SMARCA2: variants seen among roughly 807,000 people sequenced by gnomAD.
The protein encoded by SMARCA2 is SWI/SNF-related matrix-associated actin-dependent regulator of chromatin subfamily A member 2.
In SMARCA2, 61 loss-of-function variants were observed where a neutral mutation model predicts 199.8. That is an observed-to-expected ratio of 0.31 (90% CI 0.25 to 0.38). The LOEUF (loss-of-function observed/expected upper bound fraction) is 0.38. Ranked by LOEUF, SMARCA2 falls within the 10% of genes least tolerant of loss-of-function variation. The probability of loss-of-function intolerance (pLI) is 1.00; values close to 1 mark genes in which losing one functional copy is unlikely to be tolerated. For missense variants in SMARCA2, 1,344 were observed against 2,012.2 expected (o/e 0.67, Z 6.35); for synonymous variants, 935 against 732.0 (o/e 1.28, Z -4.48).
At chr9:2,156,408 T>C (rs1328033754) in intron 27 of SMARCA2, among the ~76,000 whole-genome samples, 1 of 145,496 alleles carries the variant, frequency 6.9e-6, no homozygotes, top group Non-Finnish European at 1.5e-5. Flanking sequence ...AGTTTACCAT[T>C]TTAGACTTTT....
Position 2,182,239 on chromosome 9 carries a change from C to T in SMARCA2, c.4458C>T (p.Ser1486=), listed in dbSNP as rs769659898. 1.0e-5 allele frequency: 16 copies of T among 1,600,626 alleles called. No individual in the cohort carries two copies. Among genetic ancestry groups the T allele is most frequent in the South Asian group, 2.2e-5 (2 of 90,580 alleles). Residue 1486 remains serine (S), a synonymous_variant, in exon 31 of 34, where the codon TCC becomes TCT. Coordinates refer to ENST00000349721, the MANE Select transcript of SMARCA2 (RefSeq NM_003070.5). The part of the protein sequence containing the change: ...HNAQTFNLEG[S]QIYEDSIVLQ... ...CTCAGACGTTCAACCTGGAGGGATC[C>T]CAGGTCTGTCTTGTTAAGTTGTCTA...
At chr9:2,143,575 AG>A (rs1824570008) in intron 27 of SMARCA2, among the ~76,000 whole-genome samples, 2 of 152,224 alleles carry the variant, frequency 1.3e-5, no homozygotes, top group Admixed American at 1.3e-4. Flanking sequence ...CAGGGAGACC[AG>A]GGGGAAAAGA....
At chr9:2,147,167 G>A (rs1016850028) in intron 27 of SMARCA2, among the ~76,000 whole-genome samples, 1 of 147,660 alleles carries the variant, frequency 6.8e-6, no homozygotes, top group Non-Finnish European at 1.5e-5. Flanking sequence ...ATAGGATACA[G>A]CTCATAACTA....
chr9:2,173,967 A>C (rs142528628), intron 29 of SMARCA2, among the ~76,000 whole-genome samples: 3 of 152,272 alleles, frequency 2.0e-5, no homozygotes, highest in Non-Finnish European at 4.4e-5. Context: ...CCTCATTACA[A>C]ATATTGATAC....
intron 27 of SMARCA2, chr9:2,159,813 G>T: frequency 6.2e-7 from 1 of 1,610,096 alleles, no homozygotes; most frequent in Non-Finnish European, 8.5e-7. Flanking sequence ...TTCCTGATCA[G>T]CTGATGAAGA....
intron 32 of SMARCA2, among the ~76,000 whole-genome samples, chr9:2,187,678 A>AAAAAAAATTTTAAATATAATT (rs1554645494): frequency 6.7e-6 from 1 of 149,212 alleles, no homozygotes; most frequent in Non-Finnish European, 1.5e-5. Flanking sequence ...CTCTATCTAA[A>AAAAAAAATTTTAAATATAATT]AAAAAAATTT....
chr9:2,156,821 T>A (rs1191254151), intron 27 of SMARCA2, among the ~76,000 whole-genome samples: 1 of 152,222 alleles, frequency 6.6e-6, no homozygotes, highest in East Asian at 1.9e-4. Context: ...TTCAGAACTT[T>A]TCCGTTATCT....
Position 2,104,642 on chromosome 9 carries a change from C to G in SMARCA2, c.3292+473C>G, listed in dbSNP as rs1242413510. The stretch of plus-strand genomic sequence containing the variant: ...CCCTCTCTTCCTAAATAAGACGTAT[C>G]CACATGTTACATTGTTAAGAGACAT... On this transcript the variant is annotated intron_variant, in intron 23 of 33. Transcript: ENST00000349721. The surrounding 1 kb of genome is among the most constrained non-coding windows in gnomAD (Gnocchi z 4.0). 6.6e-6 allele frequency among the ~76,000 whole-genome samples: 1 copy of G among 152,122 alleles called. No individual in the cohort carries two copies. The highest frequency in any genetic ancestry group is 2.4e-5 in the African/African-American group (1 of 41,398).
rs142231000 is a variant in SMARCA2 at position 2,073,914 on chromosome 9, T to C, written c.1935+291T>C. On this transcript the variant is annotated intron_variant, in intron 12 of 33. Coordinates refer to ENST00000349721, the MANE Select transcript of SMARCA2 (RefSeq NM_003070.5). ...ACTTGGGAGATGGTGAAGTGGTCTTTTGGGGGAGAATTGGAGATGGATTAC... is the reference window on the plus strand; with the variant it reads ...ACTTGGGAGATGGTGAAGTGGTCTTCTGGGGGAGAATTGGAGATGGATTAC... Among the ~76,000 whole-genome samples, 264 of 152,230 alleles carry C rather than the reference T, an allele frequency of 1.7e-3. 1 individual carries two copies. The highest frequency in any genetic ancestry group is 3.2e-3 in the Non-Finnish European group (220 of 68,016).
chr9:2,147,426 A>G (rs531077052), intron 27 of SMARCA2, among the ~76,000 whole-genome samples: 1 of 152,338 alleles, frequency 6.6e-6, no homozygotes, highest in Admixed American at 6.5e-5. Flanking sequence ...TTAAAAGCAT[A>G]TATCTGTTTG....
chr9:2,160,055 G>C, intron 27 of SMARCA2: 2 of 1,017,694 alleles, frequency 2.0e-6, no homozygotes, highest in Non-Finnish European at 2.9e-6. Context: ...ATTAACTGTT[G>C]ACAGCCTTGC....
At chr9:2,040,796 C>G (rs1288288995) in intron 4 of SMARCA2, 1 of 152,194 alleles carries the variant, frequency 6.6e-6, no homozygotes, top group African/African-American at 2.4e-5. Flanking sequence ...ATGATACAAT[C>G]CTTTGCATGG....
chr9:2,084,024 G>A (rs1477718038), intron 16 of SMARCA2, 62 bp from the exon 17 acceptor site: 2 of 878,398 alleles, frequency 2.3e-6, no homozygotes, highest in South Asian at 1.4e-5. Context: ...GCTATGAAAA[G>A]TGAGAAATAA....
At chr9:2,030,560 T>C (rs1044836538) in intron 2 of SMARCA2, among the ~76,000 whole-genome samples, 1 of 148,734 alleles carries the variant, frequency 6.7e-6, no homozygotes, top group Non-Finnish European at 1.5e-5. Context: ...TTTTTTTTTT[T>C]CTTATTCAGG....
In SMARCA2 at chr9:2,039,343, T is replaced by C; in HGVS notation, c.356-123T>C. 2 of 827,364 alleles carry C rather than the reference T, an allele frequency of 2.4e-6. No homozygotes were observed. Among genetic ancestry groups the C allele is most frequent in the African/African-American group, 1.7e-5 (1 of 58,070 alleles). The allele number at this position is 827,364 out of a possible 1,614,324, so 51.3% of individuals were successfully genotyped here. On this transcript the variant is annotated intron_variant, in intron 3 of 33. Transcript: ENST00000349721. This position sits in a 1 kb window ranked among gnomAD's most constrained non-coding sequence, Gnocchi z 4.8. ...TCTTAAACTCCATATAATTAATAAA[T>C]GATATGTCATTCAAATTTCTGTCAG...
At chr9:2,160,302 T>C in intron 27 of SMARCA2, 1 of 420,706 alleles carries the variant, frequency 2.4e-6, no homozygotes, top group Non-Finnish European at 4.2e-6. Flanking sequence ...AGGATCGTGA[T>C]GGAAATTGTC....
chr9:2,086,951 G>A lies in SMARCA2; in HGVS notation c.2649G>A (p.Pro883=), dbSNP rs773251995. The change falls in exon 18 of 34, where the codon CCG becomes CCA. Residue 883 remains proline (P), a synonymous_variant. Coordinates refer to ENST00000349721, the MANE Select transcript of SMARCA2 (RefSeq NM_003070.5). This position sits in a 1 kb window ranked among gnomAD's most constrained non-coding sequence, Gnocchi z 4.3. ...APRRILLTGT[P]LQNKLPELWA... is the part of the protein sequence containing the mutation. ...GAAGGATCCTCTTGACTGGGACCCC[G>A]CTGCAGAATAAGCTCCCTGAACTCT... is the stretch of plus-strand genomic sequence containing the variant. The A allele has an allele frequency of 1.4e-5, 23 of 1,614,002 alleles. No homozygotes were observed. The highest frequency in any genetic ancestry group is 2.2e-5 in the South Asian group (2 of 91,086).
intron 27 of SMARCA2, among the ~76,000 whole-genome samples, chr9:2,149,108 AGG>A (rs1824912682): frequency 6.6e-6 from 1 of 151,112 alleles, no homozygotes; most frequent in African/African-American, 2.4e-5. Context: ...TGGGAAGAAA[AGG>A]AGGTTTAATT....
At chr9:2,057,553 A>G (rs1246369544) in intron 7 of SMARCA2, among the ~76,000 whole-genome samples, 1 of 152,220 alleles carries the variant, frequency 6.6e-6, no homozygotes, top group Non-Finnish European at 1.5e-5. Context: ...TGGAAAAGGA[A>G]AGTAGAAAGC....
Sources: allele counts gnomAD v4.1 joint callset (sites outside exome capture counted in the v4.1 genomes callset), GRCh38; gene constraint gnomAD v4.1.1; non-coding constraint Gnocchi (gnomAD v3.1); transcripts MANE v1.5; gene names NCBI Gene and HGNC (gene_info 2026-07-23, HGNC 2026-07-21).